MED23: variants seen among roughly 807,000 people sequenced by gnomAD.
MED23 encodes mediator of RNA polymerase II transcription subunit 23.
A neutral mutation model predicts 163.9 loss-of-function variants in MED23; 105 were observed. That is an observed-to-expected ratio of 0.64 (90% CI 0.55 to 0.75). The LOEUF is 0.75. Among genes scored for constraint, MED23 ranks in the 30% least tolerant of loss-of-function variants. The pLI, the probability that MED23 is intolerant of heterozygous loss-of-function variation, is 0.00. For synonymous variants in MED23, 561 were observed against 565.6 expected (o/e 0.99, Z 0.12); for missense variants, 1,054 against 1,649.0 (o/e 0.64, Z 6.25).
intron 30 of MED23, among the ~76,000 whole-genome samples, chr6:131,577,702 G>C (rs1344520605): frequency 2.0e-5 from 3 of 151,820 alleles, no homozygotes; most frequent in Non-Finnish European, 4.4e-5. Context: ...AGGAGTTCAA[G>C]ACCAGCCTGG....
At chr6:131,618,636 G>A in intron 8 of MED23, 117 bp from the exon 9 acceptor site, 1 of 722,780 alleles carries the variant, frequency 1.4e-6, no homozygotes, top group South Asian at 1.7e-5. Flanking sequence ...TTTAAAAATG[G>A]CTTATAAAAA....
In MED23 at chr6:131,615,894, C is replaced by A; in HGVS notation, c.876+13G>T. 1.9e-6 allele frequency: 3 copies of A among 1,593,384 alleles called. No homozygotes were observed. The East Asian group carries it at 6.7e-5, about 36-fold the overall frequency. Reference sequence around the variant, plus strand: ...TATGCAGAATTTACTAGGTTTCCAGCATAGTACAGTACCTGCTTATTTAAA... The same window carrying A: ...TATGCAGAATTTACTAGGTTTCCAGAATAGTACAGTACCTGCTTATTTAAA... On this transcript the variant is annotated intron_variant, in intron 10 of 28. Transcript: ENST00000368068.
At chr6:131,596,300 T>C in intron 21 of MED23, 137 bp from the exon 22 acceptor site, 1 of 915,990 alleles carries the variant, frequency 1.1e-6, no homozygotes. Flanking sequence ...ACTTTACTTC[T>C]TTTTATAGAA....
At position 131,618,931 on chromosome 6, in the gene MED23, A is replaced by C. The variant is rs958370030; in HGVS notation, c.668-412T>G. Among the ~76,000 whole-genome samples, 11 of 152,334 alleles carry C rather than the reference A, an allele frequency of 7.2e-5. No individual in the cohort carries two copies. The South Asian group carries it at 8.3e-4, about 11-fold the overall frequency. On this transcript the variant is annotated intron_variant, in intron 8 of 28. Transcript: ENST00000368068. Reference sequence around the variant, plus strand: ...TTACTACATGGCCCTTTACAGGAAAAAGTTTAAGACCACTAGTCCAGTGTC... The same window carrying C: ...TTACTACATGGCCCTTTACAGGAAACAGTTTAAGACCACTAGTCCAGTGTC...
rs920278264 is a variant in MED23 at position 131,589,390 on chromosome 6, A to T, written c.3939+75T>A. 25 of 1,425,206 alleles carry T rather than the reference A, an allele frequency of 1.8e-5. No individual in the cohort carries two copies. In the African/African-American group the frequency reaches 3.0e-4, roughly 17 times the overall value. 88.3% of individuals were successfully genotyped at this position (1,425,206 alleles called of 1,614,324 possible). On this transcript the variant is annotated intron_variant, in intron 28 of 28. Transcript: ENST00000368068. ...CAAAATAAAAATAATCACCCAAACC[A>T]AAAAAGTCTATTACTATATGTTCAA...
chr6:131,625,797 A>AAGCTTAAC (rs1355230213), intron 3 of MED23, among the ~76,000 whole-genome samples: 1 of 152,134 alleles, frequency 6.6e-6, no homozygotes, highest in Non-Finnish European at 1.5e-5. Flanking sequence ...AAAGATCAAA[A>AAGCTTAAC]AGCTTAACAC....
chr6:131,590,544 T>G (rs752484923), intron 26 of MED23, 102 bp from the exon 27 acceptor site: 111 of 762,730 alleles, frequency 1.5e-4, no homozygotes, highest in Middle Eastern at 7.8e-4. Flanking sequence ...AATATAATTT[T>G]TTAAAGTTCC....
At chr6:131,591,619 G>A (rs1394959758) in intron 25 of MED23, 92 bp from the exon 26 acceptor site, 1 of 1,038,174 alleles carries the variant, frequency 9.6e-7, no homozygotes, top group Non-Finnish European at 1.5e-6. Flanking sequence ...ATTCTTTAAA[G>A]TTTTCTATTT....
chr6:131,589,383 C>G, intron 28 of MED23, 82 bp downstream of exon 28: 1 of 1,382,828 alleles, frequency 7.2e-7, no homozygotes, highest in Non-Finnish European at 9.9e-7. Context: ...AAATAATCAC[C>G]CAAACCAAAA....
intron 17 of MED23, among the ~76,000 whole-genome samples, chr6:131,601,159 A>G (rs1002496316): frequency 6.6e-5 from 10 of 152,210 alleles, no homozygotes; most frequent in Non-Finnish European, 1.5e-4. Flanking sequence ...TTGTCACTTT[A>G]AGGAAAACAA....
chr6:131,597,772 G>C (rs1376621956), intron 20 of MED23, among the ~76,000 whole-genome samples: 1 of 152,074 alleles, frequency 6.6e-6, no homozygotes, highest in Non-Finnish European at 1.5e-5. Flanking sequence ...TATTCAATAT[G>C]TACTTATTAA....
rs576217929 is a variant in MED23, at chr6:131,589,055, T to C, written c.3939+410A>G. 2.2e-3 allele frequency among the ~76,000 whole-genome samples: 341 copies of C among 152,304 alleles called. 3 individuals carry two copies. The highest frequency in any genetic ancestry group is 4.1e-3 in the Non-Finnish European group (276 of 68,008). On this transcript the variant is annotated intron_variant, in intron 28 of 28. Coordinates refer to ENST00000368068, the MANE Select transcript of MED23 (RefSeq NM_004830.4). ...CAGGATTAGTCTAGAATCCTGACTT[T>C]AGTCTTCTAGTTATGCCGCGGTTTG...
At chr6:131,599,743 C>CTT (rs764052228) in intron 18 of MED23, among the ~76,000 whole-genome samples, 12 of 144,250 alleles carry the variant, frequency 8.3e-5, no homozygotes, top group Non-Finnish European at 7.6e-5. Context: ...TAAGTAATGA[C>CTT]TTTTTTTTTT....
At position 131,591,384 on chromosome 6, in the gene MED23, A is replaced by G; in HGVS notation, c.3615T>C (p.Cys1205=). The stretch of plus-strand genomic sequence containing the variant: ...CATGTGCAAGAGCTAACGTATAGCT[A>G]CAACTCATCTCAGAGTAGGACTGAT... ...ACHQSYSEMS[C]SYTLALAHAV... is the part of the protein sequence containing the mutation. Residue 1205 remains cysteine (C), a synonymous_variant, in exon 26 of 29, where the codon TGT becomes TGC. Transcript: ENST00000368068. The G allele has an allele frequency of 1.2e-6, 2 of 1,613,966 alleles. No individual in the cohort carries two copies. The highest frequency in any genetic ancestry group is 1.7e-6 in the Non-Finnish European group (2 of 1,179,834).
Position 131,574,340 on chromosome 6 carries a change from G to A in MED23, c.4096-45C>T, listed in dbSNP as rs769413406. ...AGGCCAGAGGTTAGAGGCCCAAACT[G>A]CATTTGGACTGTCAGTAAATACTAC... On this transcript the variant is annotated intron_variant, in intron 30 of 30. Coordinates refer to the MED23 transcript ENST00000354577. 6.2e-5 allele frequency: 100 copies of A among 1,611,834 alleles called. No homozygotes were observed. In the East Asian group the frequency reaches 2.2e-3, roughly 35 times the overall value.
At chr6:131,582,840 C>T (rs1774005097), downstream of MED23, 4 of 852,962 alleles carry the variant, frequency 4.7e-6, no homozygotes, top group South Asian at 2.8e-5. Context: ...CATGCCCACA[C>T]ACATATATTT....
downstream of MED23, chr6:131,583,336 C>T (rs774722903): frequency 3.1e-6 from 5 of 1,614,068 alleles, no homozygotes; most frequent in Non-Finnish European, 3.4e-6. Flanking sequence ...AACTGAAATC[C>T]TTTCCCACTT....
intron 9 of MED23, among the ~76,000 whole-genome samples, chr6:131,616,992 A>G (rs961578200): frequency 5.3e-5 from 8 of 152,052 alleles, no homozygotes; most frequent in African/African-American, 1.7e-4. Flanking sequence ...AGCTTAAAGC[A>G]TATCAACTTT....
At chr6:131,607,661 C>A (rs1775958519) in intron 12 of MED23, among the ~76,000 whole-genome samples, 1 of 152,112 alleles carries the variant, frequency 6.6e-6, no homozygotes, top group Non-Finnish European at 1.5e-5. Flanking sequence ...AGGGGACATA[C>A]TGAGGCTCAA....
Sources: allele counts gnomAD v4.1 joint callset (sites outside exome capture counted in the v4.1 genomes callset), GRCh38; gene constraint gnomAD v4.1.1; transcripts MANE v1.5; gene names NCBI Gene and HGNC (gene_info 2026-07-23, HGNC 2026-07-21).